Variants in EDIL3 observed in about 807,000 individuals in gnomAD.
EDIL3 encodes EGF-like repeat and discoidin I-like domain-containing protein 3.
EDIL3 carries 37 observed loss-of-function variants against 67.4 expected under a neutral mutation model. The observed-to-expected ratio is 0.55, with a 90% CI of 0.42 to 0.72. The LOEUF is 0.72. EDIL3 is among the 30% of genes least tolerant of loss of function. The probability of loss-of-function intolerance (pLI) is 0.00; values close to 1 mark genes in which losing one functional copy is unlikely to be tolerated. For missense variants in EDIL3, 527 were observed against 586.3 expected, an observed-to-expected ratio of 0.90 and a Z score of 1.04; for synonymous variants, 195 against 196.3, an observed-to-expected ratio of 0.99 and a Z score of 0.05.
intron 2 of EDIL3, among the ~76,000 whole-genome samples, chr5:84,231,415 G>A (rs907883763): frequency 3.9e-5 from 6 of 152,170 alleles, no homozygotes; most frequent in African/African-American, 1.4e-4. Context: ...TGAATTATAT[G>A]ACACAAGCCA....
chr5:84,311,705 G>A (rs956133144), intron 1 of EDIL3, among the ~76,000 whole-genome samples: 2 of 152,034 alleles, frequency 1.3e-5, no homozygotes, highest in East Asian at 1.9e-4. Context: ...AGGACCCTGC[G>A]GCCTTCCGCA....
intron 9 of EDIL3, among the ~76,000 whole-genome samples, chr5:84,059,788 A>G (rs192705562): frequency 1.3e-5 from 2 of 152,300 alleles, no homozygotes. Context: ...TGCAAATGAT[A>G]AACTCTGCAG....
intron 5 of EDIL3, among the ~76,000 whole-genome samples, chr5:84,128,992 A>T (rs1330241332): frequency 6.6e-6 from 1 of 152,184 alleles, no homozygotes; most frequent in African/African-American, 2.4e-5. Flanking sequence ...TGTTGGAAGT[A>T]TTTAACAAGT....
At chr5:84,361,866 A>T (rs1257536070) in intron 1 of EDIL3, among the ~76,000 whole-genome samples, 2 of 151,988 alleles carry the variant, frequency 1.3e-5, no homozygotes, top group Non-Finnish European at 2.9e-5. Context: ...TAATGTGATA[A>T]TGCTTTATAT....
At chr5:84,098,953 C>T (rs1325872705) in intron 6 of EDIL3, among the ~76,000 whole-genome samples, 1 of 151,968 alleles carries the variant, frequency 6.6e-6, no homozygotes, top group Non-Finnish European at 1.5e-5. Flanking sequence ...TTCAAAAGAT[C>T]AACAATTGTG....
intron 3 of EDIL3, among the ~76,000 whole-genome samples, chr5:84,223,611 A>T (rs1744392475): frequency 1.3e-5 from 2 of 151,644 alleles, no homozygotes; most frequent in Admixed American, 1.3e-4. Flanking sequence ...AATAGTGGTT[A>T]CTGGGGTGGG....
chr5:84,174,580 G>C (rs1471868726), intron 4 of EDIL3, among the ~76,000 whole-genome samples: 2 of 152,156 alleles, frequency 1.3e-5, no homozygotes, highest in Non-Finnish European at 2.9e-5. Context: ...GAGGATGGAT[G>C]GTTGATGCAG....
At chr5:84,307,780 G>T (rs908864787) in intron 1 of EDIL3, among the ~76,000 whole-genome samples, 2 of 151,872 alleles carry the variant, frequency 1.3e-5, no homozygotes, top group East Asian at 3.9e-4. Flanking sequence ...AGAAGAAGGG[G>T]CATAATAAAG....
chr5:84,285,125 T>C (rs530035674), intron 1 of EDIL3, among the ~76,000 whole-genome samples: 1 of 152,318 alleles, frequency 6.6e-6, no homozygotes, highest in South Asian at 2.1e-4. Context: ...AACAGTAAAT[T>C]TGAATGTTCT....
At chr5:84,184,227 T>C (rs1396026164) in intron 3 of EDIL3, among the ~76,000 whole-genome samples, 3 of 152,184 alleles carry the variant, frequency 2.0e-5, no homozygotes, top group Non-Finnish European at 2.9e-5. Flanking sequence ...ATGATGCTAT[T>C]TACTCAAGCC....
chr5:84,105,625 A>G (rs1747446232), intron 6 of EDIL3, among the ~76,000 whole-genome samples: 1 of 152,012 alleles, frequency 6.6e-6, no homozygotes, highest in Non-Finnish European at 1.5e-5. Flanking sequence ...AAACTCTGCA[A>G]TATCTCCCTA....
At chr5:84,307,298 AAAAGTCACAGTG>A (rs1162568812) in intron 1 of EDIL3, among the ~76,000 whole-genome samples, 2 of 152,162 alleles carry the variant, frequency 1.3e-5, no homozygotes, top group Non-Finnish European at 2.9e-5. Context: ...AGACAAATAA[AAAAGTCACAGTG>A]AAGAAAATTA....
intron 9 of EDIL3, among the ~76,000 whole-genome samples, chr5:83,999,068 T>C (rs560084451): frequency 6.0e-4 from 92 of 152,262 alleles, no homozygotes; most frequent in Non-Finnish European, 6.8e-4. Context: ...GTCACAGGGT[T>C]ACTAGGCTTG....
chr5:84,330,006 T>G (rs1398053373), intron 1 of EDIL3, among the ~76,000 whole-genome samples: 1 of 152,146 alleles, frequency 6.6e-6, no homozygotes, highest in Non-Finnish European at 1.5e-5. Flanking sequence ...GATTTCCAAA[T>G]GCCTAATTTA....
chr5:84,345,346 A>T (rs1307080248), intron 1 of EDIL3, among the ~76,000 whole-genome samples: 1 of 152,180 alleles, frequency 6.6e-6, no homozygotes, highest in Admixed American at 6.5e-5. Flanking sequence ...GTTCTTTTCA[A>T]ACTACTCATT....
chr5:84,190,579 G>GTGTGTGTGTGTGTGTA (rs1456078500), intron 3 of EDIL3, among the ~76,000 whole-genome samples: 4 of 122,054 alleles, frequency 3.3e-5, no homozygotes, highest in African/African-American at 1.3e-4. Flanking sequence ...GTGTGTGTGT[G>GTGTGTGTGTGTGTGTA]TATATATATA....
At chr5:84,297,178 A>G (rs954629757) in intron 1 of EDIL3, among the ~76,000 whole-genome samples, 4 of 74,308 alleles carry the variant, frequency 5.4e-5, no homozygotes, top group African/African-American at 7.6e-5. Context: ...CAAGACTCCG[A>G]AAAAAAAAAA....
chr5:84,290,083 G>C (rs997797537), intron 1 of EDIL3, among the ~76,000 whole-genome samples: 1 of 152,132 alleles, frequency 6.6e-6, no homozygotes, highest in Non-Finnish European at 1.5e-5. Flanking sequence ...CCAGCCACAA[G>C]TGTTGGATCC....
At chr5:83,973,140 A>G (rs953651519) in intron 9 of EDIL3, among the ~76,000 whole-genome samples, 1 of 152,074 alleles carries the variant, frequency 6.6e-6, no homozygotes, top group African/African-American at 2.4e-5. Flanking sequence ...GGTGAGCAGA[A>G]TTAACATATC....
Sources: gnomAD v4.1 joint callset for allele counts (sites outside exome capture counted in the v4.1 genomes callset) on GRCh38, gnomAD v4.1.1 for gene constraint, MANE v1.5 for transcripts, NCBI Gene and HGNC (gene_info 2026-07-23, HGNC 2026-07-21) for gene names.